The following EIF2AK2 variants were observed in gnomAD, a reference collection of about 807,000 sequenced individuals.
EIF2AK2 encodes the protein eukaryotic translation initiation factor 2 alpha kinase 2.
EIF2AK2 carries 40 observed loss-of-function variants against 70.5 expected under a neutral mutation model. That is an observed-to-expected ratio of 0.57 (90% CI 0.44 to 0.74). EIF2AK2 has a LOEUF of 0.74. Ranked by LOEUF, EIF2AK2 falls within the 30% of genes least tolerant of loss-of-function variation. EIF2AK2 has a pLI of 0.00. For missense variants in EIF2AK2, 555 were observed against 644.3 expected (o/e 0.86, Z 1.50); for synonymous variants, 198 against 220.9 (o/e 0.90, Z 0.92).
intron 10 of EIF2AK2, among the ~76,000 whole-genome samples, chr2:37,132,167 AGT>A (rs1472059847): frequency 6.6e-6 from 1 of 152,120 alleles, no homozygotes; most frequent in East Asian, 1.9e-4. Flanking sequence ...CCAATTCTCT[AGT>A]ATCTATTTCC....
At chr2:37,138,683 T>G (rs1675214538) in intron 6 of EIF2AK2, 98 bp from the exon 7 acceptor site, 3 of 990,786 alleles carry the variant, frequency 3.0e-6, no homozygotes, top group Non-Finnish European at 3.1e-6. Flanking sequence ...TTCAACACAT[T>G]TACCAAATCC....
In EIF2AK2 at chr2:37,120,062, C is replaced by G; in HGVS notation, c.1145G>C (p.Arg382Thr). ...GTLEQWIEKR[R>T]GEKLDKVLAL... is the part of the protein sequence containing the mutation. ...CAAAACTTTGTCTAGTTTCTCGCCT[C>G]TTCTTTTTTCAATCCATTGTTCCAA... is the stretch of plus-strand genomic sequence containing the variant. Residue 382 changes from arginine (R) to threonine (T), a missense_variant, in exon 13 of 17, where the codon AGA becomes ACA. Coordinates refer to ENST00000233057, the MANE Select transcript of EIF2AK2 (RefSeq NM_001135651.3). 1 of 1,545,356 alleles carries G rather than the reference C, an allele frequency of 6.5e-7. No homozygotes were observed. Among genetic ancestry groups the G allele is most frequent in the Non-Finnish European group, 8.8e-7 (1 of 1,141,758 alleles).
rs1673802704 is a variant in EIF2AK2 at position 37,100,551 on chromosome 2, C to T, written c.*6722G>A. ...TTAGAATTTAAGCCAATAATGTCAC[C>T]ATATAACTATCAACTGTGATTCCCT... On this transcript the variant is annotated 3_prime_UTR_variant, in exon 17 of 17. Transcript: ENST00000233057. The T allele has an allele frequency of 6.6e-6, 1 of 152,162 alleles. No homozygotes were observed. Among genetic ancestry groups the T allele is most frequent in the South Asian group, 2.1e-4 (1 of 4,830 alleles). 9.4% of individuals were successfully genotyped at this position (152,162 alleles called of 1,614,324 possible).
chr2:37,138,565 A>G lies in EIF2AK2; in HGVS notation c.537T>C (p.Ser179=). The G allele has an allele frequency of 1.2e-6, 2 of 1,614,172 alleles. No homozygotes were observed. The highest frequency in any genetic ancestry group is 1.7e-6 in the Non-Finnish European group (2 of 1,179,998). The change falls in exon 7 of 17, where the codon TCT becomes TCC. Residue 179 remains serine (S), a synonymous_variant. Coordinates refer to ENST00000233057, the MANE Select transcript of EIF2AK2 (RefSeq NM_001135651.3). ...ACTCACACGTAGTAGCAAAAGAACC[A>G]GAGGACAGGTAGTCAGATTTCTGAA... ...ETSVKSDYLS[S]GSFATTCESQ... is the part of the protein sequence containing the mutation.
intron 3 of EIF2AK2, 84 bp from the exon 4 acceptor site, chr2:37,147,057 ATGACTACCTT>A (rs1675570866): frequency 7.5e-7 from 1 of 1,327,928 alleles, no homozygotes. Context: ...ACTACCTCCT[ATGACTACCTT>A]TGAGGGTTTG....
chr2:37,110,413 T>C (rs1221032555), intron 14 of EIF2AK2, among the ~76,000 whole-genome samples: 1 of 150,934 alleles, frequency 6.6e-6, no homozygotes, highest in Non-Finnish European at 1.5e-5. Context: ...GGTTTTTAAA[T>C]GGAAAAAAAA....
At chr2:37,143,019 G>C (rs1675388961) in intron 4 of EIF2AK2, among the ~76,000 whole-genome samples, 1 of 152,036 alleles carries the variant, frequency 6.6e-6, no homozygotes, top group Admixed American at 6.6e-5. Flanking sequence ...ACGAGGTCAG[G>C]AGTTAAACAC....
chr2:37,119,780 C>T (rs1485273311), intron 13 of EIF2AK2, among the ~76,000 whole-genome samples, 179 bp downstream of exon 13: 1 of 151,600 alleles, frequency 6.6e-6, no homozygotes, highest in Admixed American at 6.6e-5. Context: ...TTAGTAGAGA[C>T]ACGGTTTCAC....
chr2:37,136,104 C>T (rs571685867), intron 9 of EIF2AK2, among the ~76,000 whole-genome samples: 22 of 152,314 alleles, frequency 1.4e-4, no homozygotes, highest in Admixed American at 2.6e-4. Context: ...CTCCTTACAC[C>T]CTCATCCTAG....
chr2:37,142,998 G>C (rs769895732), intron 4 of EIF2AK2, among the ~76,000 whole-genome samples: 1 of 152,160 alleles, frequency 6.6e-6, no homozygotes, highest in Non-Finnish European at 1.5e-5. Context: ...GGAGACCAAA[G>C]CGAGTGGATC....
Position 37,125,518 on chromosome 2 carries a change from T to A in EIF2AK2, c.908+771A>T, listed in dbSNP as rs1398605721. On this transcript the variant is annotated intron_variant, in intron 11 of 16. Coordinates refer to ENST00000233057, the MANE Select transcript of EIF2AK2 (RefSeq NM_001135651.3). ...TTTGGATGACTTGTTCTGGGGACAA[T>A]CCTTCTTGAAACCCAGCCACCAAGT... Among the ~76,000 whole-genome samples the A allele has an allele frequency of 2.0e-5, 3 of 152,168 alleles. No homozygotes were observed. In the East Asian group the frequency reaches 5.8e-4, roughly 29 times the overall value.
chr2:37,125,666 G>C (rs1055351904), intron 11 of EIF2AK2, among the ~76,000 whole-genome samples: 1 of 152,198 alleles, frequency 6.6e-6, no homozygotes, highest in African/African-American at 2.4e-5. Context: ...GCCTAAGATA[G>C]GCTGTAGTCA....
At position 37,106,767 on chromosome 2, in the gene EIF2AK2, GGC is replaced by G. The variant is rs573131592; in HGVS notation, c.*504_*505del. On this transcript the variant is annotated 3_prime_UTR_variant, in exon 17 of 17. Coordinates refer to ENST00000233057, the MANE Select transcript of EIF2AK2 (RefSeq NM_001135651.3). Reference sequence around the variant, plus strand: ...TCTTTAGAACAAAGAGATGAGGCTGGGCGCGGTGGCTCATCCCTGTAATCCCA... The same window carrying G: ...TCTTTAGAACAAAGAGATGAGGCTGGGCGGTGGCTCATCCCTGTAATCCCA... 6.6e-6 allele frequency: 1 copy of G among 152,340 alleles called. No individual in the cohort carries two copies. The highest frequency in any genetic ancestry group is 2.4e-5 in the African/African-American group (1 of 41,392). The allele number at this position is 152,340 out of a possible 1,614,324, so 9.4% of individuals were successfully genotyped here.
intron 14 of EIF2AK2, among the ~76,000 whole-genome samples, chr2:37,113,327 T>C (rs866067314): frequency 6.6e-6 from 1 of 151,786 alleles, no homozygotes; most frequent in Non-Finnish European, 1.5e-5. Flanking sequence ...GAAACCCGTC[T>C]TTACTAAAAA....
Position 37,107,142 on chromosome 2 carries a change from T to C in EIF2AK2, c.*131A>G. On this transcript the variant is annotated 3_prime_UTR_variant, in exon 17 of 17. Coordinates refer to ENST00000233057, the MANE Select transcript of EIF2AK2 (RefSeq NM_001135651.3). Reference sequence around the variant, plus strand: ...AAACCTTTCTGTTTCTGCAGAAAGATTAGTAAAAATAGTAAAAAATTAAAG... The same window carrying C: ...AAACCTTTCTGTTTCTGCAGAAAGACTAGTAAAAATAGTAAAAAATTAAAG... 5 of 1,136,214 alleles carry C rather than the reference T, an allele frequency of 4.4e-6. No individual in the cohort carries two copies. Among genetic ancestry groups the C allele is most frequent in the Non-Finnish European group, 5.9e-6 (5 of 854,442 alleles). The allele number at this position is 1,136,214 out of a possible 1,614,324, so 70.4% of individuals were successfully genotyped here. A position where few individuals can be genotyped will look rare whatever the true frequency, so the allele number is the denominator to read the frequency against.
At chr2:37,124,314 T>C (rs1238950905) in intron 11 of EIF2AK2, among the ~76,000 whole-genome samples, 1 of 150,480 alleles carries the variant, frequency 6.6e-6, no homozygotes, top group Non-Finnish European at 1.5e-5. Context: ...CAGGCTGGAG[T>C]GCAATGGCGC....
At chr2:37,151,437 C>A (rs1160251399) in intron 1 of EIF2AK2, among the ~76,000 whole-genome samples, 1 of 152,032 alleles carries the variant, frequency 6.6e-6, no homozygotes, top group East Asian at 1.9e-4. Flanking sequence ...TAATAATAAT[C>A]AGGAAATAAT....
Position 37,109,205 on chromosome 2 carries a change from C to T in EIF2AK2, c.1468G>A (p.Glu490Lys), listed in dbSNP as rs1318759460. ...ELLHVCDTAF[E>K]TSKFFTDLRD... ...TGAGATAATTTTACCTTTGATGTTT[C>T]AAAAGCAGTGTCACATACATGAAGA... is the stretch of plus-strand genomic sequence containing the variant. The change falls in exon 15 of 17, where the codon GAA (glutamate) becomes AAA (lysine). Residue 490 changes from glutamate to lysine, a missense_variant. Around this residue, in one of 3 missense-constraint regions of EIF2AK2, gnomAD observed 299 missense variants for 375.4 expected, o/e 0.80. Transcript: ENST00000233057. 3.7e-6 allele frequency: 6 copies of T among 1,613,720 alleles called. No individual in the cohort carries two copies. Among genetic ancestry groups the T allele is most frequent in the South Asian group, 1.1e-5 (1 of 90,994 alleles).
chr2:37,154,402 T>C (rs1349401835), intron 1 of EIF2AK2, among the ~76,000 whole-genome samples: 1 of 151,856 alleles, frequency 6.6e-6, no homozygotes, highest in Non-Finnish European at 1.5e-5. Flanking sequence ...GCCACTGAAA[T>C]TGTTTTTGTC....
Sources: allele counts gnomAD v4.1 joint callset (sites outside exome capture counted in the v4.1 genomes callset), GRCh38; gene constraint gnomAD v4.1.1; regional missense constraint gnomAD v4.1.1; transcripts MANE v1.5; gene names NCBI Gene and HGNC (gene_info 2026-07-23, HGNC 2026-07-21).